DENND1B: variants seen among roughly 807,000 people sequenced by gnomAD.
DENND1B encodes DENN domain containing 1B, also known as DENN domain-containing protein 1B.
In DENND1B, 59 loss-of-function variants were observed where a neutral mutation model predicts 90.1. That is an observed-to-expected ratio of 0.65 (90% confidence interval 0.53 to 0.81). The LOEUF (loss-of-function observed/expected upper bound fraction) is 0.81, where lower values mean the gene tolerates loss of function less well. DENND1B is among the 40% of genes least tolerant of loss of function. The probability of loss-of-function intolerance (pLI) is 0.00; values close to 1 mark genes in which losing one functional copy is unlikely to be tolerated. For synonymous variants in DENND1B, 337 were observed against 324.6 expected (o/e 1.04, Z -0.41); for missense variants, 862 against 912.6 (o/e 0.94, Z 0.71).
chr1:197,529,950 T>C (rs1460975599), intron 20 of DENND1B, among the ~76,000 whole-genome samples: 1 of 152,126 alleles, frequency 6.6e-6, no homozygotes, highest in African/African-American at 2.4e-5. Flanking sequence ...CCTGTTAGGC[T>C]GGGGCTGCTG....
At chr1:197,565,813 A>G (rs9287135) in intron 15 of DENND1B, among the ~76,000 whole-genome samples, 113,373 of 144,224 alleles carry the variant, frequency 0.79, 44,578 homozygotes, top group East Asian at 0.86. Flanking sequence ...TACAAAGGAC[A>G]TGAACTCATC....
intron 15 of DENND1B, among the ~76,000 whole-genome samples, chr1:197,567,001 T>C (rs1460671785): frequency 1.3e-5 from 2 of 151,982 alleles, no homozygotes; most frequent in African/African-American, 4.8e-5. Context: ...ACAGAAATAG[T>C]GACAGTAAAT....
intron 11 of DENND1B, among the ~76,000 whole-genome samples, chr1:197,617,229 G>A (rs1260406931): frequency 6.6e-6 from 1 of 150,944 alleles, no homozygotes; most frequent in Non-Finnish European, 1.5e-5. Context: ...AAAAAGAGGG[G>A]TAAAGAAGTG....
At chr1:197,615,490 C>A (rs1677566055) in intron 11 of DENND1B, among the ~76,000 whole-genome samples, 1 of 150,988 alleles carries the variant, frequency 6.6e-6, no homozygotes. Context: ...AAAGATATAT[C>A]TTTTCCTATC....
upstream of DENND1B, among the ~76,000 whole-genome samples, chr1:197,780,647 AC>A (rs1359104813): frequency 2.6e-5 from 4 of 151,682 alleles, no homozygotes; most frequent in East Asian, 7.7e-4. Context: ...CCCATCCTCC[AC>A]CCCTAAGTAT....
At chr1:197,680,143 T>C (rs1466556441) in intron 3 of DENND1B, among the ~76,000 whole-genome samples, 1 of 152,118 alleles carries the variant, frequency 6.6e-6, no homozygotes, top group Admixed American at 6.6e-5. Context: ...AAAAAAGTTG[T>C]GTCCCCAGGT....
At chr1:197,673,142 C>A (rs1214357250) in intron 4 of DENND1B, among the ~76,000 whole-genome samples, 1 of 151,804 alleles carries the variant, frequency 6.6e-6, no homozygotes, top group Non-Finnish European at 1.5e-5. Context: ...TTTTCTTACA[C>A]TTTAATAAAC....
At chr1:197,523,738 T>C (rs1024391088) in intron 20 of DENND1B, among the ~76,000 whole-genome samples, 3 of 152,160 alleles carry the variant, frequency 2.0e-5, no homozygotes, top group African/African-American at 4.8e-5. Flanking sequence ...CAGCCTCTTA[T>C]ACAAACAGCA....
intron 2 of DENND1B, among the ~76,000 whole-genome samples, chr1:197,754,988 T>C (rs901063450): frequency 2.0e-5 from 3 of 152,174 alleles, no homozygotes; most frequent in Non-Finnish European, 2.9e-5. Context: ...TATACATACA[T>C]AGGCATACAT....
intron 10 of DENND1B, among the ~76,000 whole-genome samples, chr1:197,633,712 T>G (rs914893018): frequency 6.6e-6 from 1 of 152,136 alleles, no homozygotes; most frequent in Non-Finnish European, 1.5e-5. Context: ...CCCTGGCTCT[T>G]GCAGCACTTG....
At chr1:197,553,285 A>G (rs981011417) in intron 15 of DENND1B, among the ~76,000 whole-genome samples, 173 bp from the exon 16 acceptor site, 1 of 152,176 alleles carries the variant, frequency 6.6e-6, no homozygotes, top group Non-Finnish European at 1.5e-5. Context: ...GAAAATTCTC[A>G]AACAATGGAA....
intron 20 of DENND1B, among the ~76,000 whole-genome samples, chr1:197,539,439 CTT>C (rs1400396085): frequency 6.6e-6 from 1 of 152,002 alleles, no homozygotes; most frequent in Non-Finnish European, 1.5e-5. Context: ...ACCAGGAACA[CTT>C]ATAGCTATGA....
Position 197,507,611 on chromosome 1 carries a change from T to C in DENND1B, c.*2849A>G, listed in dbSNP as rs1482838004. 1 of 151,600 alleles carries C rather than the reference T, an allele frequency of 6.6e-6. No individual in the cohort carries two copies. The highest frequency in any genetic ancestry group is 2.4e-5 in the African/African-American group (1 of 41,382). 9.4% of individuals were successfully genotyped at this position (151,600 alleles called of 1,614,324 possible). On this transcript the variant is annotated 3_prime_UTR_variant, in exon 23 of 23. Transcript: ENST00000620048. ...ACTATGTACCAAGGCCAAAAGTCTT[T>C]TTAGTTTATACAATTCTGTTGTATA... is the stretch of plus-strand genomic sequence containing the variant.
At chr1:197,643,242 C>T (rs1184339966) in intron 9 of DENND1B, among the ~76,000 whole-genome samples, 2 of 151,934 alleles carry the variant, frequency 1.3e-5, no homozygotes, top group Non-Finnish European at 2.9e-5. Context: ...GCAACCTCCG[C>T]CTCCCGGGTT....
Position 197,763,183 on chromosome 1 carries a change from C to T in DENND1B, c.82+9685G>A, listed in dbSNP as rs949315831. The stretch of plus-strand genomic sequence containing the variant: ...AAAATTAGCCAGACATGGTGACATA[C>T]GCCTGTAGTACTGGCTACTCAGAAG... On this transcript the variant is annotated intron_variant, in intron 2 of 22. Transcript: ENST00000620048. Among the ~76,000 whole-genome samples the T allele has an allele frequency of 9.2e-5, 14 of 152,252 alleles. 1 individual carries two copies. The highest frequency in any genetic ancestry group is 4.1e-4 in the South Asian group (2 of 4,820).
At chr1:197,599,153 T>A (rs1675973015) in intron 13 of DENND1B, among the ~76,000 whole-genome samples, 1 of 151,778 alleles carries the variant, frequency 6.6e-6, no homozygotes, top group Admixed American at 6.6e-5. Context: ...TAGGTACATG[T>A]TAAAAGAGTG....
chr1:197,625,714 A>G (rs1678631928), intron 10 of DENND1B, among the ~76,000 whole-genome samples: 1 of 152,254 alleles, frequency 6.6e-6, no homozygotes, highest in South Asian at 2.1e-4. Flanking sequence ...AAAGACACAG[A>G]CTGGCAAATT....
chr1:197,617,741 C>T lies in DENND1B; in HGVS notation c.691G>A (p.Gly231Arg). 6.2e-7 allele frequency: 1 copy of T among 1,607,136 alleles called. No individual in the cohort carries two copies. The highest frequency in any genetic ancestry group is 8.5e-7 in the Non-Finnish European group (1 of 1,175,218). ...KLSTLTACIH[G>R]SAALLYPMYW... ...ATTGGGTATAGAAGAGCAGCTGATC[C>T]ATGGATACAGGCAGTTAACTGAAAT... Residue 231 changes from glycine to arginine, a missense_variant, in exon 11 of 23, where the codon GGA becomes AGA. Transcript: ENST00000620048.
At chr1:197,735,885 G>A in intron 2 of DENND1B, 1 of 1,548,638 alleles carries the variant, frequency 6.5e-7, no homozygotes, top group South Asian at 1.1e-5. Context: ...GGCTATTACA[G>A]GTGCCTCTCC....
Sources: allele counts gnomAD v4.1 joint callset (sites outside exome capture counted in the v4.1 genomes callset), GRCh38; gene constraint gnomAD v4.1.1; transcripts MANE v1.5; gene names NCBI Gene and HGNC (gene_info 2026-07-23, HGNC 2026-07-21).